The following ZNF704 variants were observed in gnomAD, a reference collection of about 807,000 sequenced individuals.
The protein encoded by ZNF704 is zinc finger protein 704, also known as glucocorticoid induced gene 1.
A neutral mutation model predicts 44.7 loss-of-function variants in ZNF704; 10 were observed. The ratio of observed to expected loss-of-function variants is 0.22; its 90% confidence interval spans 0.14 to 0.38. The LOEUF (loss-of-function observed/expected upper bound fraction) is 0.38. ZNF704 is among the 10% of genes least tolerant of loss of function. The pLI, the probability that ZNF704 is intolerant of heterozygous loss-of-function variation, is 1.00. For synonymous variants in ZNF704, 211 were observed against 207.6 expected (o/e 1.02, Z -0.14); for missense variants, 390 against 545.5 (o/e 0.71, Z 2.84).
At chr8:80,728,017 CTG>C (rs1806514618) in intron 2 of ZNF704, among the ~76,000 whole-genome samples, 1 of 152,120 alleles carries the variant, frequency 6.6e-6, no homozygotes, top group Admixed American at 6.5e-5. Flanking sequence ...GAGTTACAGT[CTG>C]TGTGATTCTT....
At chr8:80,724,860 CCCA>C (rs1174587822) in intron 2 of ZNF704, among the ~76,000 whole-genome samples, 2 of 152,138 alleles carry the variant, frequency 1.3e-5, no homozygotes, top group African/African-American at 2.4e-5. Flanking sequence ...CATTCTGCGC[CCCA>C]CAATGCCGTT....
At position 80,641,290 on chromosome 8, in the gene ZNF704, G is replaced by A. The variant is rs1488434240; in HGVS notation, c.*76C>T. The stretch of plus-strand genomic sequence containing the variant: ...AACTGTGTTTTATTCAGTAGGAAAA[G>A]CTCTTTCCAACACCTGCAGTGGCAG... On this transcript the variant is annotated 3_prime_UTR_variant, in exon 9 of 9. Transcript: ENST00000327835. 1 of 974,698 alleles carries A rather than the reference G, an allele frequency of 1.0e-6. No individual in the cohort carries two copies. Among genetic ancestry groups the A allele is most frequent in the Non-Finnish European group, 1.5e-6 (1 of 658,500 alleles). The allele number at this position is 974,698 out of a possible 1,614,324, so 60.4% of individuals were successfully genotyped here.
chr8:80,661,322 G>A (rs1818098695), intron 6 of ZNF704, among the ~76,000 whole-genome samples: 1 of 152,084 alleles, frequency 6.6e-6, no homozygotes, highest in Admixed American at 6.5e-5. Context: ...CAGAGAAAAG[G>A]GATCTTTTAT....
chr8:80,832,043 A>G (rs956649267), intron 1 of ZNF704, among the ~76,000 whole-genome samples: 1 of 152,202 alleles, frequency 6.6e-6, no homozygotes, highest in African/African-American at 2.4e-5. Flanking sequence ...TATCCCATAT[A>G]ATTTCTTGCA....
At chr8:80,861,754 A>AATTTCCATC (rs893336213) in intron 1 of ZNF704, among the ~76,000 whole-genome samples, 1 of 151,296 alleles carries the variant, frequency 6.6e-6, no homozygotes, top group Non-Finnish European at 1.5e-5. Context: ...ATGTCTTTTG[A>AATTTCCATC]ATTTCCATCT....
intron 2 of ZNF704, among the ~76,000 whole-genome samples, chr8:80,780,354 T>C (rs1013703351): frequency 2.6e-5 from 4 of 152,098 alleles, no homozygotes; most frequent in African/African-American, 9.7e-5. Context: ...ATCAGAATGG[T>C]GCAAGTAGGA....
At chr8:80,847,907 T>C (rs1226193954) in intron 1 of ZNF704, among the ~76,000 whole-genome samples, 1 of 152,202 alleles carries the variant, frequency 6.6e-6, no homozygotes, top group Non-Finnish European at 1.5e-5. Flanking sequence ...TACCATAAGA[T>C]ACAGAAAGCA....
At chr8:80,665,190 T>C (rs1818170929) in intron 5 of ZNF704, 108 bp from the exon 6 acceptor site, 1 of 1,271,220 alleles carries the variant, frequency 7.9e-7, no homozygotes. Context: ...CTCCCTCTTG[T>C]TTGCCTTGCA....
chr8:80,730,614 T>G (rs1213298322), intron 2 of ZNF704, among the ~76,000 whole-genome samples: 2 of 150,308 alleles, frequency 1.3e-5, no homozygotes, highest in Non-Finnish European at 3.0e-5. Flanking sequence ...AGTATAATAA[T>G]TACCAACAAT....
chr8:80,784,061 C>T (rs993459238), intron 2 of ZNF704, among the ~76,000 whole-genome samples: 1 of 152,078 alleles, frequency 6.6e-6, no homozygotes, highest in South Asian at 2.1e-4. Context: ...TTGCTGAGCA[C>T]CCTCTGTCCT....
At chr8:80,854,957 T>C (rs970541215) in intron 1 of ZNF704, among the ~76,000 whole-genome samples, 1 of 152,212 alleles carries the variant, frequency 6.6e-6, no homozygotes, top group African/African-American at 2.4e-5. Flanking sequence ...CAATGTGAAA[T>C]AAGCACATCA....
At chr8:80,878,275 AG>A (rs1244263225), upstream of ZNF704, among the ~76,000 whole-genome samples, 4 of 150,822 alleles carry the variant, frequency 2.7e-5, no homozygotes, top group Non-Finnish European at 5.9e-5. Flanking sequence ...GAAGGAAGGA[AG>A]GAAGGAAGGA....
chr8:80,875,593 C>G (rs960036284), upstream of ZNF704, among the ~76,000 whole-genome samples: 14 of 152,310 alleles, frequency 9.2e-5, no homozygotes, highest in Admixed American at 5.9e-4. Context: ...TGTGAGCCAC[C>G]GTGCCCGGCC....
intron 2 of ZNF704, among the ~76,000 whole-genome samples, chr8:80,737,778 A>AT (rs1391045626): frequency 6.6e-6 from 1 of 151,966 alleles, no homozygotes; most frequent in African/African-American, 2.4e-5. Flanking sequence ...ACATGGTTTC[A>AT]TTTTTTTTCT....
intron 4 of ZNF704, among the ~76,000 whole-genome samples, chr8:80,674,268 G>C (rs1260987351): frequency 6.6e-6 from 1 of 152,196 alleles, no homozygotes; most frequent in South Asian, 2.1e-4. Context: ...TTCACAAAAA[G>C]GAATTCTGCA....
intron 2 of ZNF704, among the ~76,000 whole-genome samples, chr8:80,805,038 C>A (rs1807966549): frequency 6.6e-6 from 1 of 152,086 alleles, no homozygotes; most frequent in Non-Finnish European, 1.5e-5. Context: ...TAGAATGCTA[C>A]TCAAATGTAA....
chr8:80,728,576 T>C (rs1265438372), intron 2 of ZNF704, among the ~76,000 whole-genome samples: 2 of 152,226 alleles, frequency 1.3e-5, no homozygotes, highest in East Asian at 3.8e-4. Context: ...TTTAACACTG[T>C]AACTGTTCCA....
chr8:80,733,257 T>C (rs987326915), intron 2 of ZNF704, among the ~76,000 whole-genome samples: 5 of 152,212 alleles, frequency 3.3e-5, no homozygotes, highest in Non-Finnish European at 5.9e-5. Context: ...ATGTGTTATG[T>C]GGAGCCCTGT....
intron 2 of ZNF704, among the ~76,000 whole-genome samples, chr8:80,765,409 T>A (rs1291386527): frequency 6.6e-6 from 1 of 152,146 alleles, no homozygotes; most frequent in African/African-American, 2.4e-5. Flanking sequence ...ATGTATTCCT[T>A]AATTTAGCAA....
Sources: allele counts gnomAD v4.1 joint callset (sites outside exome capture counted in the v4.1 genomes callset), GRCh38; gene constraint gnomAD v4.1.1; transcripts MANE v1.5; gene names NCBI Gene and HGNC (gene_info 2026-07-23, HGNC 2026-07-21).